POLH: variants seen among roughly 807,000 people sequenced by gnomAD.
POLH encodes the protein DNA polymerase eta transcript.
In POLH, 53 loss-of-function variants were observed where a neutral mutation model predicts 73.6. The ratio of observed to expected loss-of-function variants is 0.72; its 90% confidence interval spans 0.58 to 0.91. The LOEUF is 0.91. POLH is among the 40% of genes least tolerant of loss of function. POLH has a pLI of 0.00. For synonymous variants in POLH, 292 were observed against 308.5 expected (o/e 0.95, Z 0.56); for missense variants, 768 against 865.4 (o/e 0.89, Z 1.41).
intron 9 of POLH, among the ~76,000 whole-genome samples, chr6:43,607,328 T>C (rs974217285): frequency 2.0e-5 from 3 of 152,068 alleles, no homozygotes; most frequent in Admixed American, 6.6e-5. Context: ...CTCATGACCT[T>C]GTGATCTTCC....
At chr6:43,605,377 C>T (rs1767157036) in intron 9 of POLH, 58 bp downstream of exon 9, 2 of 823,426 alleles carry the variant, frequency 2.4e-6, no homozygotes, top group African/African-American at 1.7e-5. Flanking sequence ...ATCAGCTGCT[C>T]TTTACCTTAT....
At chr6:43,578,522 C>G (rs1307673968) in intron 1 of POLH, 3 of 329,958 alleles carry the variant, frequency 9.1e-6, no homozygotes, top group Non-Finnish European at 1.7e-5. Context: ...GAGACTTTGT[C>G]TCAAAAAAAA....
Position 43,615,359 on chromosome 6 carries a change from C to A in POLH, c.*802C>A. 6.6e-6 allele frequency: 1 copy of A among 152,060 alleles called. No individual in the cohort carries two copies. Among genetic ancestry groups the A allele is most frequent in the Non-Finnish European group, 1.5e-5 (1 of 68,138 alleles). 9.4% of individuals were successfully genotyped at this position (152,060 alleles called of 1,614,324 possible). ...GGGCAGATCACGAGGTCAGGAGTTT[C>A]AGACCAATATGGTGAAACCCCATCT... On this transcript the variant is annotated 3_prime_UTR_variant, in exon 11 of 11. Transcript: ENST00000372236.
At chr6:43,599,457 A>C (rs987626147) in intron 5 of POLH, among the ~76,000 whole-genome samples, 1 of 152,200 alleles carries the variant, frequency 6.6e-6, no homozygotes, top group Non-Finnish European at 1.5e-5. Flanking sequence ...ACAATCCAGG[A>C]GCAGAATAAC....
intron 3 of POLH, among the ~76,000 whole-genome samples, chr6:43,584,538 A>G (rs949743973): frequency 7.9e-5 from 12 of 152,190 alleles, no homozygotes; most frequent in Admixed American, 7.9e-4. Context: ...AACACAGAAG[A>G]CATCTGTGAC....
chr6:43,592,484 T>A (rs1394486148), intron 4 of POLH, among the ~76,000 whole-genome samples: 1 of 150,526 alleles, frequency 6.6e-6, no homozygotes, highest in Non-Finnish European at 1.5e-5. Context: ...CAATCTCGGC[T>A]CACTGCAATC....
intron 1 of POLH, among the ~76,000 whole-genome samples, chr6:43,580,128 C>G (rs1196896385): frequency 2.0e-5 from 3 of 149,014 alleles, no homozygotes; most frequent in Non-Finnish European, 4.4e-5. Context: ...AGCATGCTGC[C>G]TTCAAGCATC....
Position 43,619,357 on chromosome 6 carries a change from CCT to C in POLH, c.*4801_*4802del, listed in dbSNP as rs1327917499. 1.6e-5 allele frequency among the ~76,000 whole-genome samples: 2 copies of C among 128,336 alleles called. No individual in the cohort carries two copies. Among genetic ancestry groups the C allele is most frequent in the African/African-American group, 6.4e-5 (2 of 31,018 alleles). The allele number at this position is 128,336 out of a possible 152,430, so 84.2% of individuals were successfully genotyped here. A position where few individuals can be genotyped will look rare whatever the true frequency, so the allele number is the denominator to read the frequency against. ...TCCAGCCTGGGTGACAGTCTGAGACCCTGTCTCAAAAAAAAAAAAAAAAAAAA... is the reference window on the plus strand; with the variant it reads ...TCCAGCCTGGGTGACAGTCTGAGACCGTCTCAAAAAAAAAAAAAAAAAAAA... On this transcript the variant is annotated 3_prime_UTR_variant, in exon 11 of 11. Coordinates refer to ENST00000372236, the MANE Select transcript of POLH (RefSeq NM_006502.3).
At chr6:43,581,301 G>C (rs866764031) in intron 1 of POLH, among the ~76,000 whole-genome samples, 1 of 146,018 alleles carries the variant, frequency 6.8e-6, no homozygotes, top group African/African-American at 2.6e-5. Flanking sequence ...CGATGGGCGG[G>C]CGGGCAGAGA....
chr6:43,598,147 G>T (rs985110671), intron 5 of POLH, among the ~76,000 whole-genome samples: 1 of 148,150 alleles, frequency 6.7e-6, no homozygotes, highest in Non-Finnish European at 1.5e-5. Context: ...TGAAGCTGCC[G>T]TGAGCCGAAA....
At chr6:43,581,516 T>G (rs1292491214) in intron 1 of POLH, among the ~76,000 whole-genome samples, 6 of 149,366 alleles carry the variant, frequency 4.0e-5, no homozygotes, top group Non-Finnish European at 6.0e-5. Context: ...GGCTGCAATC[T>G]CGGCACTTTG....
chr6:43,582,168 C>T (rs900627598), intron 1 of POLH, 148 bp from the exon 2 acceptor site: 8 of 772,314 alleles, frequency 1.0e-5, no homozygotes, highest in African/African-American at 1.7e-5. Flanking sequence ...GGATACTCAA[C>T]CTGTATATTT....
chr6:43,591,405 C>T (rs999401315), intron 4 of POLH: 4 of 152,138 alleles, frequency 2.6e-5, no homozygotes, highest in African/African-American at 9.7e-5. Flanking sequence ...CTGCAGCCTC[C>T]ACCTCCAGGG....
rs1764374380 is a variant in POLH at position 43,582,342 on chromosome 6, T to G, written c.23T>G (p.Val8Gly). MATGQDR[V>G]VALVDMDCFF... The stretch of plus-strand genomic sequence containing the variant: ...AAAATGGCTACTGGACAGGATCGAG[T>G]GGTTGCTCTCGTGGACATGGACTGT... The change falls in exon 2 of 11, where the codon GTG becomes GGG. Residue 8 changes from valine to glycine, a missense_variant. Transcript: ENST00000372236. The G allele has an allele frequency of 1.2e-6, 2 of 1,614,032 alleles. No individual in the cohort carries two copies. Among genetic ancestry groups the G allele is most frequent in the African/African-American group, 2.7e-5 (2 of 74,996 alleles).
intron 9 of POLH, among the ~76,000 whole-genome samples, chr6:43,607,967 C>G (rs143244378): frequency 7.8e-4 from 119 of 152,198 alleles, no homozygotes; most frequent in African/African-American, 2.8e-3. Flanking sequence ...CCTGTCTCTA[C>G]TAAAAATACA....
chr6:43,586,917 A>G (rs762367305), intron 3 of POLH, among the ~76,000 whole-genome samples: 8 of 152,216 alleles, frequency 5.3e-5, no homozygotes, highest in Non-Finnish European at 1.0e-4. Flanking sequence ...CTTGGTGGAT[A>G]TATGAAAATA....
At chr6:43,606,156 T>TAA (rs59619375) in intron 9 of POLH, among the ~76,000 whole-genome samples, 12 of 141,758 alleles carry the variant, frequency 8.5e-5, no homozygotes, top group Middle Eastern at 3.6e-3. Context: ...TACTTTTTTG[T>TAA]AAAAAAAAAA....
chr6:43,612,197 C>T (rs1310622855), intron 10 of POLH, among the ~76,000 whole-genome samples: 2 of 152,134 alleles, frequency 1.3e-5, no homozygotes, highest in African/African-American at 4.8e-5. Context: ...CTAATGTACA[C>T]ATGAAACCTT....
chr6:43,584,056 T>C (rs140050665), intron 3 of POLH, among the ~76,000 whole-genome samples: 1 of 152,200 alleles, frequency 6.6e-6, no homozygotes, highest in African/African-American at 2.4e-5. Context: ...GTTGAGAGGA[T>C]TGCTTGAGCC....
Sources: allele counts gnomAD v4.1 joint callset (sites outside exome capture counted in the v4.1 genomes callset), GRCh38; gene constraint gnomAD v4.1.1; transcripts MANE v1.5; gene names NCBI Gene and HGNC (gene_info 2026-07-23, HGNC 2026-07-21).